The following LRP6 variants were observed in gnomAD, a reference collection of about 807,000 sequenced individuals.
LRP6 encodes low-density lipoprotein receptor-related protein 6.
LRP6 carries 43 observed loss-of-function variants against 184.1 expected under a neutral mutation model. The ratio of observed to expected loss-of-function variants is 0.23; its 90% confidence interval spans 0.18 to 0.30. The LOEUF is 0.30. LRP6 is among the 10% of genes least tolerant of loss of function. The pLI, the probability that LRP6 is intolerant of heterozygous loss-of-function variation, is 1.00. For missense variants in LRP6, 1,571 were observed against 2,005.3 expected (o/e 0.78, Z 4.14); for synonymous variants, 719 against 684.9 (o/e 1.05, Z -0.78).
intron 2 of LRP6, among the ~76,000 whole-genome samples, chr12:12,234,505 A>G (rs955980785): frequency 7.5e-4 from 114 of 151,886 alleles, no homozygotes; most frequent in African/African-American, 2.6e-3. Context: ...ACTGTATGTT[A>G]CTCTTTCATG....
At chr12:12,185,832 G>GTT (rs1354759215) in intron 4 of LRP6, among the ~76,000 whole-genome samples, 1 of 140,966 alleles carries the variant, frequency 7.1e-6, no homozygotes, top group Non-Finnish European at 1.5e-5. Flanking sequence ...GTTTTTGTGT[G>GTT]TGTGTGTGTT....
chr12:12,230,921 G>C (rs1033519995), intron 2 of LRP6, among the ~76,000 whole-genome samples: 1 of 152,018 alleles, frequency 6.6e-6, no homozygotes, highest in Non-Finnish European at 1.5e-5. Flanking sequence ...AGTGGCTCAC[G>C]CCTGTAATCC....
Position 12,157,929 on chromosome 12 carries a change from T to G in LRP6, c.2791+900A>C, listed in dbSNP as rs187869068. ...TTTGTTACACACTTTGTTGTTAGTG[T>G]TATGTGTGTACTTGCCGGTATTTAA... is the stretch of plus-strand genomic sequence containing the variant. On this transcript the variant is annotated intron_variant, in intron 12 of 22. Coordinates refer to ENST00000261349, the MANE Select transcript of LRP6 (RefSeq NM_002336.3). Among the ~76,000 whole-genome samples the G allele has an allele frequency of 1.2e-4, 19 of 152,280 alleles. No homozygotes were observed. In the East Asian group the frequency reaches 3.1e-3, roughly 25 times the overall value.
chr12:12,131,096 C>CTTTTTTTTT (rs1949746766), intron 18 of LRP6, among the ~76,000 whole-genome samples: 1 of 105,348 alleles, frequency 9.5e-6, no homozygotes, highest in African/African-American at 3.4e-5. Flanking sequence ...AATTTCCTAA[C>CTTTTTTTTT]ATTTTTTTTT....
At chr12:12,192,383 T>TA (rs530967386) in intron 3 of LRP6, among the ~76,000 whole-genome samples, 7,015 of 138,320 alleles carry the variant, frequency 0.051, 184 homozygotes, top group Middle Eastern at 0.15. Flanking sequence ...TAAGATAATT[T>TA]AAAAAAAAAA....
intron 7 of LRP6, among the ~76,000 whole-genome samples, chr12:12,171,266 C>T (rs1016330744): frequency 1.3e-5 from 2 of 152,062 alleles, no homozygotes; most frequent in African/African-American, 2.4e-5. Flanking sequence ...CCTGTAATCC[C>T]AGCACTTTGG....
chr12:12,150,943 T>C lies in LRP6; in HGVS notation c.2887A>G (p.Ser963Gly). 6.2e-7 allele frequency: 1 copy of C among 1,614,192 alleles called. No individual in the cohort carries two copies. Among genetic ancestry groups the C allele is most frequent in the Non-Finnish European group, 8.5e-7 (1 of 1,180,020 alleles). The change falls in exon 13 of 23, where the codon AGC becomes GGC. Residue 963 changes from serine (S) to glycine (G), a missense_variant. Physicochemically the swap from Ser to Gly is moderately conservative, Grantham distance 56. Around this residue, in one of 4 missense-constraint regions of LRP6, gnomAD observed 763 missense variants for 859.5 expected, o/e 0.89. Transcript: ENST00000261349. ...QSPDIILPIH[S>G]LRNVRAIDYD... Reference sequence around the variant, plus strand: ...TCAATGGCCCGGACATTCCGAAGGCTGTGGATGGGAAGGATGATGTCGGGG... The same window carrying C: ...TCAATGGCCCGGACATTCCGAAGGCCGTGGATGGGAAGGATGATGTCGGGG...
chr12:12,231,990 C>A (rs1461062185), intron 2 of LRP6, among the ~76,000 whole-genome samples: 1 of 149,410 alleles, frequency 6.7e-6, no homozygotes, highest in African/African-American at 2.5e-5. Flanking sequence ...CGAAGCGAGA[C>A]CCTGCCTCAA....
intron 7 of LRP6, among the ~76,000 whole-genome samples, chr12:12,178,901 C>T (rs562705910): frequency 6.6e-6 from 1 of 152,286 alleles, no homozygotes; most frequent in South Asian, 2.1e-4. Context: ...GTCATGGGCA[C>T]TCTACAGAAT....
In LRP6 at chr12:12,150,915, T is replaced by C. The variant is rs772441071; in HGVS notation, c.2915A>G (p.Tyr972Cys). Residue 972 changes from tyrosine to cysteine, a missense_variant, in exon 13 of 23, where the codon TAT becomes TGT. Tyr to Cys is a radical substitution (Grantham distance 194, BLOSUM62 -2). Around this residue, in one of 4 missense-constraint regions of LRP6, gnomAD observed 763 missense variants for 859.5 expected, o/e 0.89. Transcript: ENST00000261349. ...HSLRNVRAID[Y>C]DPLDKQLYWI... is the part of the protein sequence containing the mutation. The stretch of plus-strand genomic sequence containing the variant: ...ATAGAGTTGCTTGTCCAGTGGGTCA[T>C]AGTCAATGGCCCGGACATTCCGAAG... The C allele has an allele frequency of 1.5e-5, 25 of 1,614,172 alleles. No individual in the cohort carries two copies. Among genetic ancestry groups the C allele is most frequent in the East Asian group, 2.2e-5 (1 of 44,884 alleles).
At chr12:12,205,329 C>CAAAAAAAAAAAAAAAAAAAA (rs56169717) in intron 2 of LRP6, among the ~76,000 whole-genome samples, 1 of 39,106 alleles carries the variant, frequency 2.6e-5, no homozygotes, top group Non-Finnish European at 5.5e-5. Flanking sequence ...CTCAAACAAA[C>CAAAAAAAAAAAAAAAAAAAA]AAAAAAAAAA....
intron 2 of LRP6, among the ~76,000 whole-genome samples, chr12:12,236,096 G>A (rs933899142): frequency 2.6e-5 from 4 of 152,008 alleles, no homozygotes; most frequent in Non-Finnish European, 5.9e-5. Flanking sequence ...GCGTGGTGGC[G>A]GGTGCCTGTA....
chr12:12,226,730 C>T (rs1591965527), intron 2 of LRP6: 1 of 152,304 alleles, frequency 6.6e-6, no homozygotes, highest in African/African-American at 2.4e-5. Context: ...ATCAGCATGG[C>T]CCCTGCACAA....
chr12:12,228,943 C>G (rs1191615005), intron 2 of LRP6, among the ~76,000 whole-genome samples: 1 of 152,114 alleles, frequency 6.6e-6, no homozygotes, highest in Non-Finnish European at 1.5e-5. Flanking sequence ...GAAGCTAACC[C>G]AAGAGGAGTG....
At chr12:12,245,851 G>A (rs1865170477) in intron 1 of LRP6, among the ~76,000 whole-genome samples, 1 of 151,934 alleles carries the variant, frequency 6.6e-6, no homozygotes, top group Non-Finnish European at 1.5e-5. Flanking sequence ...TAAAAATCTA[G>A]AGCACTACTG....
chr12:12,133,573 T>C (rs1949787228), intron 17 of LRP6, among the ~76,000 whole-genome samples: 1 of 152,114 alleles, frequency 6.6e-6, no homozygotes, highest in African/African-American at 2.4e-5. Flanking sequence ...CTTTATAAGT[T>C]ACCCAGCCTC....
At chr12:12,183,684 C>T (rs962779153) in intron 5 of LRP6, among the ~76,000 whole-genome samples, 3 of 152,192 alleles carry the variant, frequency 2.0e-5, no homozygotes. Context: ...TATGCGACTA[C>T]TCATTTCCAT....
In LRP6 at chr12:12,266,162, C is replaced by T. The variant is rs567105446; in HGVS notation, c.55+519G>A. Among the ~76,000 whole-genome samples the T allele has an allele frequency of 7.4e-4, 112 of 152,252 alleles. 1 individual carries two copies. Among genetic ancestry groups the T allele is most frequent in the Middle Eastern group, 3.4e-3 (1 of 294 alleles). ...GCGCTCTCACCCAGGGTCATTATATCCCAAACGGAAGCCAATCATTACCTG... is the reference window on the plus strand; with the variant it reads ...GCGCTCTCACCCAGGGTCATTATATTCCAAACGGAAGCCAATCATTACCTG... On this transcript the variant is annotated intron_variant, in intron 1 of 22. Coordinates refer to ENST00000261349, the MANE Select transcript of LRP6 (RefSeq NM_002336.3).
chr12:12,157,926 G>C (rs1862638510), intron 12 of LRP6, among the ~76,000 whole-genome samples: 1 of 152,114 alleles, frequency 6.6e-6, no homozygotes, highest in South Asian at 2.1e-4. Flanking sequence ...TTTGTTGTTA[G>C]TGTTATGTGT....
Sources: allele counts gnomAD v4.1 joint callset (sites outside exome capture counted in the v4.1 genomes callset), GRCh38; gene constraint gnomAD v4.1.1; regional missense constraint gnomAD v4.1.1; transcripts MANE v1.5; gene names NCBI Gene and HGNC (gene_info 2026-07-23, HGNC 2026-07-21).